The following ABLIM1 variants were observed in gnomAD, a reference collection of about 807,000 sequenced individuals.
ABLIM1 encodes actin binding LIM protein 1, also known as actin-binding LIM protein 1.
In ABLIM1, 40 loss-of-function variants were observed where a neutral mutation model predicts 107.0. The observed-to-expected ratio is 0.37, with a 90% CI of 0.29 to 0.49. The LOEUF (loss-of-function observed/expected upper bound fraction) is 0.49. Ranked by LOEUF, ABLIM1 falls within the 20% of genes least tolerant of loss-of-function variation. The probability of loss-of-function intolerance (pLI) is 0.97; values close to 1 mark genes in which losing one functional copy is unlikely to be tolerated. For synonymous variants in ABLIM1, 357 were observed against 357.3 expected (o/e 1.00, Z 0.01); for missense variants, 857 against 1,008.5 (o/e 0.85, Z 2.04).
chr10:114,482,574 C>T (rs1365399425), intron 8 of ABLIM1, among the ~76,000 whole-genome samples: 1 of 152,172 alleles, frequency 6.6e-6, no homozygotes, highest in Non-Finnish European at 1.5e-5. Context: ...ACTGGTGAGC[C>T]ATTCTTCAAT....
chr10:114,637,024 C>T (rs961108091), intron 1 of ABLIM1, among the ~76,000 whole-genome samples: 13 of 128,948 alleles, frequency 1.0e-4, no homozygotes, highest in South Asian at 5.2e-4. Flanking sequence ...CAGAGTGAGA[C>T]GCTGTCTCTT....
chr10:114,798,402 C>T, the ABLIM1 span, among the ~76,000 whole-genome samples: 1 of 149,652 alleles, frequency 6.7e-6, no homozygotes. Flanking sequence ...CCAGACTGGG[C>T]GACAAAGCAA....
intron 7 of ABLIM1, among the ~76,000 whole-genome samples, chr10:114,490,551 G>A (rs923625890): frequency 4.6e-5 from 7 of 152,092 alleles, no homozygotes; most frequent in African/African-American, 7.2e-5. Flanking sequence ...TTACCACAAC[G>A]GAACGAGCAA....
chr10:114,686,012 G>A (rs889722373), upstream of ABLIM1, among the ~76,000 whole-genome samples: 1 of 152,122 alleles, frequency 6.6e-6, no homozygotes, highest in Non-Finnish European at 1.5e-5. Context: ...GCTAAAATAG[G>A]GTGCTAGTTT....
At chr10:114,472,121 A>G (rs7905854) in intron 10 of ABLIM1, among the ~76,000 whole-genome samples, 3,737 of 152,268 alleles carry the variant, frequency 0.025, 167 homozygotes, top group African/African-American at 0.087. Flanking sequence ...CCACATGCTC[A>G]GTATTTCCCC....
intron 1 of ABLIM1, chr10:114,632,882 C>A (rs2078274645): frequency 2.9e-6 from 2 of 681,160 alleles, no homozygotes; most frequent in Non-Finnish European, 3.6e-6. Flanking sequence ...GACCCCACAG[C>A]AGCAACTCCT....
chr10:114,455,299 G>A (rs1162047187), intron 12 of ABLIM1, among the ~76,000 whole-genome samples: 2 of 152,086 alleles, frequency 1.3e-5, no homozygotes, highest in African/African-American at 4.8e-5. Flanking sequence ...TCAAGAGCTG[G>A]TTTAGCATCC....
At chr10:114,751,476 T>A (rs972750843) in intron 1 of ABLIM1, among the ~76,000 whole-genome samples, 3 of 152,000 alleles carry the variant, frequency 2.0e-5, no homozygotes, top group Admixed American at 2.0e-4. Context: ...CTAGAATATG[T>A]CACAAGCACC....
At chr10:114,517,539 CA>C in intron 6 of ABLIM1, among the ~76,000 whole-genome samples, 1 of 152,102 alleles carries the variant, frequency 6.6e-6, no homozygotes, top group East Asian at 1.9e-4. Flanking sequence ...TTTGAGCTGC[CA>C]AGTTTGTGGT....
chr10:114,721,923 G>A (rs2081857122), intron 1 of ABLIM1, among the ~76,000 whole-genome samples: 1 of 152,140 alleles, frequency 6.6e-6, no homozygotes, highest in Non-Finnish European at 1.5e-5. Context: ...TGGGGAAAAA[G>A]AAACACCAGG....
Position 114,658,049 on chromosome 10 carries a change from G to A in ABLIM1, c.152C>T (p.Ala51Val). 4 of 1,614,208 alleles carry A rather than the reference G, an allele frequency of 2.5e-6. No homozygotes were observed. Among genetic ancestry groups the A allele is most frequent in the Non-Finnish European group, 3.4e-6 (4 of 1,180,040 alleles). The change falls in exon 1 of 23, where the codon GCT becomes GTT. Residue 51 changes from alanine (A) to valine (V), a missense_variant. Physicochemically the swap from Ala to Val is moderately conservative, Grantham distance 64 (BLOSUM62 0). Coordinates refer to ENST00000533213, the MANE Select transcript of ABLIM1 (RefSeq NM_002313.7). ...ATGAGTGATAGTGGCACGCCTATGA[G>A]CGGTGAAGGAGGTCCCAGAGACCCT... ...DRRVSGTSFTAHRRATITHLL... is the reference protein window; with the variant it reads ...DRRVSGTSFTVHRRATITHLL...
At chr10:114,620,471 G>A (rs75385061) in intron 1 of ABLIM1, among the ~76,000 whole-genome samples, 2 of 151,962 alleles carry the variant, frequency 1.3e-5, no homozygotes, top group Non-Finnish European at 2.9e-5. Context: ...GTGCAGTGGC[G>A]TGATCTTGGC....
chr10:114,459,759 AAAAG>A (rs1467576257), intron 12 of ABLIM1, among the ~76,000 whole-genome samples: 1 of 152,220 alleles, frequency 6.6e-6, no homozygotes, highest in East Asian at 1.9e-4. Context: ...ACGTCTAGTA[AAAAG>A]AAAAAGGGAG....
chr10:114,648,691 A>G (rs1258158152), intron 1 of ABLIM1, among the ~76,000 whole-genome samples: 1 of 152,232 alleles, frequency 6.6e-6, no homozygotes, highest in African/African-American at 2.4e-5. Flanking sequence ...ACTACATTAC[A>G]TCTCCATTTT....
At chr10:114,644,793 G>A (rs562148524) in intron 1 of ABLIM1, among the ~76,000 whole-genome samples, 1 of 152,294 alleles carries the variant, frequency 6.6e-6, no homozygotes, top group East Asian at 1.9e-4. Flanking sequence ...GATAAAGTTA[G>A]GCCAGGCCAG....
intron 6 of ABLIM1, among the ~76,000 whole-genome samples, chr10:114,516,470 G>A (rs2062832824): frequency 6.6e-6 from 1 of 152,082 alleles, no homozygotes; most frequent in South Asian, 2.1e-4. Context: ...GTTGCAGTGA[G>A]CCGAGATCGC....
the ABLIM1 span, among the ~76,000 whole-genome samples, chr10:114,796,302 G>T: frequency 6.6e-6 from 1 of 152,200 alleles, no homozygotes; most frequent in African/African-American, 2.4e-5. Context: ...CGATAAAGAT[G>T]TCAGCTGGAA....
intron 10 of ABLIM1, among the ~76,000 whole-genome samples, chr10:114,472,006 G>A (rs1053111296): frequency 2.0e-5 from 3 of 151,952 alleles, no homozygotes. Flanking sequence ...ACCGGGGAGG[G>A]GAGGACCCCA....
At chr10:114,566,085 G>A (rs1382077047) in intron 4 of ABLIM1, among the ~76,000 whole-genome samples, 3 of 152,130 alleles carry the variant, frequency 2.0e-5, no homozygotes, top group East Asian at 1.9e-4. Context: ...GTGAGCCACC[G>A]CGCCCGGTCG....
Sources: gnomAD v4.1 joint callset for allele counts (sites outside exome capture counted in the v4.1 genomes callset) on GRCh38, gnomAD v4.1.1 for gene constraint, MANE v1.5 for transcripts, NCBI Gene and HGNC (gene_info 2026-07-23, HGNC 2026-07-21) for gene names.